Variants in VPS54 observed in about 807,000 individuals in gnomAD.
VPS54 encodes vacuolar protein sorting-associated protein 54.
VPS54 carries 45 observed loss-of-function variants against 121.5 expected under a neutral mutation model. That is an observed-to-expected ratio of 0.37 (90% CI 0.29 to 0.47). The LOEUF is 0.47. Among genes scored for constraint, VPS54 ranks in the 20% least tolerant of loss-of-function variants. The pLI is 0.99. For synonymous variants in VPS54, 371 were observed against 385.8 expected, an observed-to-expected ratio of 0.96 and a Z score of 0.45; for missense variants, 1,090 against 1,131.4, an observed-to-expected ratio of 0.96 and a Z score of 0.52.
intron 1 of VPS54, among the ~76,000 whole-genome samples, chr2:63,986,689 G>C (rs1295651357): frequency 2.0e-5 from 3 of 152,142 alleles, no homozygotes; most frequent in Non-Finnish European, 4.4e-5. Flanking sequence ...CACGGTGATT[G>C]TACTAATTTA....
At chr2:63,977,897 C>G (rs542655508) in intron 3 of VPS54, among the ~76,000 whole-genome samples, 1 of 152,324 alleles carries the variant, frequency 6.6e-6, no homozygotes, top group South Asian at 2.1e-4. Context: ...GTGTCAGAGG[C>G]TAAAATTTCC....
Position 63,962,164 on chromosome 2 carries a change from T to C in VPS54, c.904A>G (p.Thr302Ala), listed in dbSNP as rs1202307921. ...GAAGTAGATAATAACACCTGTACTG[T>C]AGGCTGAGTCTGGTGTACAGTGGCC... Reference protein sequence around the residue: ...LMATVHQTQPTVQVLLSTSEF... With the variant: ...LMATVHQTQPAVQVLLSTSEF... The change falls in exon 7 of 23, where the codon ACA becomes GCA. Residue 302 changes from threonine to alanine, a missense_variant. This residue lies in a region of VPS54 where 801 missense variants were observed against 757.0 expected (regional missense o/e 1.06). Transcript: ENST00000272322. 3.7e-6 allele frequency: 6 copies of C among 1,613,964 alleles called. No individual in the cohort carries two copies. The South Asian group carries it at 6.6e-5, about 18-fold the overall frequency.
chr2:63,975,231 C>A, intron 3 of VPS54: 1 of 471,756 alleles, frequency 2.1e-6, no homozygotes, highest in South Asian at 4.3e-5. Context: ...TCTGACCTAA[C>A]CAACTCCATC....
At chr2:63,913,905 G>A (rs2104435918) in intron 17 of VPS54, 1 of 1,169,390 alleles carries the variant, frequency 8.6e-7, no homozygotes, top group Non-Finnish European at 1.1e-6. Context: ...TGACCTAAGT[G>A]GCCTCAGTCA....
At position 63,933,916 on chromosome 2, in the gene VPS54, G is replaced by T; in HGVS notation, c.1496C>A (p.Ala499Glu). The T allele has an allele frequency of 1.2e-6, 2 of 1,613,686 alleles. No individual in the cohort carries two copies. Among genetic ancestry groups the T allele is most frequent in the Non-Finnish European group, 1.7e-6 (2 of 1,179,798 alleles). Residue 499 changes from alanine (A) to glutamate (E), a missense_variant, in exon 12 of 23, where the codon GCA becomes GAA. Physicochemically the swap from Ala to Glu is moderately radical, Grantham distance 107 (BLOSUM62 -1). Transcript: ENST00000272322. The part of the protein sequence containing the change: ...LEEISQQKNA[A>E]KDNSLDTEVA... ...CTCTGTGTCCAGTGAATTATCTTTTGCAGCATTCTTCTGTTGTGAAATCTC... is the reference window on the plus strand; with the variant it reads ...CTCTGTGTCCAGTGAATTATCTTTTTCAGCATTCTTCTGTTGTGAAATCTC...
chr2:63,944,561 C>A (rs1381197189), intron 10 of VPS54, 39 bp downstream of exon 10: 3 of 1,536,598 alleles, frequency 2.0e-6, no homozygotes, highest in Non-Finnish European at 2.7e-6. Context: ...ATCATCTTTT[C>A]TCTGACTGAT....
At chr2:63,921,458 T>G in intron 12 of VPS54, 123 bp from the exon 13 acceptor site, 1 of 988,236 alleles carries the variant, frequency 1.0e-6, no homozygotes, top group Non-Finnish European at 1.5e-6. Context: ...AATTCTATGA[T>G]GTACCAAATA....
chr2:63,949,256 G>C lies in VPS54; in HGVS notation c.1011-93C>G, dbSNP rs1048741396. Reference sequence around the variant, plus strand: ...GGAACTAGTAGGTAAAACTTTTTCAGTTGACAGTACCTGTGCAATAATGCA... The same window carrying C: ...GGAACTAGTAGGTAAAACTTTTTCACTTGACAGTACCTGTGCAATAATGCA... On this transcript the variant is annotated intron_variant, in intron 7 of 22. Transcript: ENST00000272322. The C allele has an allele frequency of 4.7e-6, 6 of 1,273,788 alleles. No homozygotes were observed. In the African/African-American group the frequency reaches 9.1e-5, roughly 19 times the overall value. 78.9% of individuals were successfully genotyped at this position (1,273,788 alleles called of 1,614,324 possible). A position where few individuals can be genotyped will look rare whatever the true frequency, so the allele number is the denominator to read the frequency against.
intron 12 of VPS54, among the ~76,000 whole-genome samples, chr2:63,931,594 G>T (rs1473545982): frequency 2.0e-5 from 3 of 152,142 alleles, no homozygotes; most frequent in Non-Finnish European, 4.4e-5. Context: ...CATAGGCATG[G>T]GCAAAGACTT....
chr2:63,909,950 C>T (rs1478277074), intron 20 of VPS54, among the ~76,000 whole-genome samples: 1 of 151,934 alleles, frequency 6.6e-6, no homozygotes, highest in African/African-American at 2.4e-5. Flanking sequence ...TGGTCTTGAA[C>T]TCCTGACCTC....
At position 63,999,858 on chromosome 2, in the gene VPS54, T is replaced by TCA. The variant is rs371932311; in HGVS notation, c.-20-15841_-20-15840dup. ...CTCACTAACTCTTTCTTCTGCTTGA[T>TCA]CAACTGCCGTTTTTTGTTTTGAGAT... On this transcript the variant is annotated intron_variant, in intron 1 of 22. Transcript: ENST00000272322. 1.2e-3 allele frequency among the ~76,000 whole-genome samples: 175 copies of TCA among 152,092 alleles called. 1 individual carries two copies. The highest frequency in any genetic ancestry group is 4.0e-3 in the African/African-American group (168 of 41,500).
intron 15 of VPS54, among the ~76,000 whole-genome samples, chr2:63,919,433 A>G (rs1325358224): frequency 6.6e-6 from 1 of 152,152 alleles, no homozygotes; most frequent in Non-Finnish European, 1.5e-5. Context: ...AATATAGGAC[A>G]CAAAGTAGAA....
intron 4 of VPS54, among the ~76,000 whole-genome samples, chr2:63,969,317 T>C (rs774238875): frequency 2.2e-4 from 34 of 152,186 alleles, no homozygotes; most frequent in Non-Finnish European, 3.7e-4. Context: ...AGGAACCAGG[T>C]TGCACAGCAG....
At chr2:63,962,650 G>A (rs115210127) in intron 6 of VPS54, among the ~76,000 whole-genome samples, 1,984 of 152,224 alleles carry the variant, frequency 0.013, 58 homozygotes, top group African/African-American at 0.045. Context: ...TAAGACAAAA[G>A]AGTACAAGGT....
intron 1 of VPS54, among the ~76,000 whole-genome samples, chr2:63,986,281 C>G (rs116719730): frequency 3.3e-5 from 5 of 152,160 alleles, no homozygotes; most frequent in Non-Finnish European, 5.9e-5. Flanking sequence ...CCCCTTCCCC[C>G]ACACTTATCC....
At chr2:63,984,315 G>A (rs1490837807) in intron 1 of VPS54, among the ~76,000 whole-genome samples, 2 of 152,216 alleles carry the variant, frequency 1.3e-5, no homozygotes, top group African/African-American at 4.8e-5. Flanking sequence ...CATTCAGCAA[G>A]TACACAGTAG....
In VPS54 at chr2:63,962,162, T is replaced by C; in HGVS notation, c.906A>G (p.Thr302=). ...CAGAAGTAGATAATAACACCTGTAC[T>C]GTAGGCTGAGTCTGGTGTACAGTGG... The part of the protein sequence containing the change: ...LMATVHQTQP[T]VQVLLSTSEF... Residue 302 remains threonine (T), a synonymous_variant, in exon 7 of 23, where the codon ACA becomes ACG. Coordinates refer to ENST00000272322, the MANE Select transcript of VPS54 (RefSeq NM_016516.3). The C allele has an allele frequency of 1.2e-6, 2 of 1,613,958 alleles. No homozygotes were observed. The highest frequency in any genetic ancestry group is 8.5e-7 in the Non-Finnish European group (1 of 1,179,816).
chr2:63,908,601 G>A (rs60115504), intron 20 of VPS54, among the ~76,000 whole-genome samples: 2,426 of 152,138 alleles, frequency 0.016, 69 homozygotes, highest in African/African-American at 0.055. Flanking sequence ...TAGTCACAGC[G>A]CTCTATTATC....
intron 9 of VPS54, among the ~76,000 whole-genome samples, chr2:63,945,476 C>T (rs1031700711): frequency 1.3e-5 from 2 of 151,854 alleles, no homozygotes; most frequent in African/African-American, 2.4e-5. Context: ...ATAATCTATA[C>T]CAAAAAAACT....
Sources: gnomAD v4.1 joint callset for allele counts (sites outside exome capture counted in the v4.1 genomes callset) on GRCh38, gnomAD v4.1.1 for gene constraint, gnomAD v4.1.1 regional missense constraint, MANE v1.5 for transcripts, NCBI Gene and HGNC (gene_info 2026-07-23, HGNC 2026-07-21) for gene names.